GRIN2B: variants seen among roughly 807,000 people sequenced by gnomAD.
The protein encoded by GRIN2B is glutamate ionotropic receptor NMDA type subunit 2B, also known as glutamate receptor ionotropic, NMDA 2B.
In GRIN2B, 5 loss-of-function variants were observed where a neutral mutation model predicts 114.5. The observed-to-expected ratio is 0.04, with a 90% CI of 0.02 to 0.09. GRIN2B has a LOEUF of 0.09. Ranked by LOEUF, GRIN2B falls within the 10% of genes least tolerant of loss-of-function variation. The pLI is 1.00. For synonymous variants in GRIN2B, 787 were observed against 745.1 expected, an observed-to-expected ratio of 1.06 and a Z score of -0.92; for missense variants, 1,108 against 1,943.5, an observed-to-expected ratio of 0.57 and a Z score of 8.08.
Position 13,560,259 on chromosome 12 carries a change from A to G in GRIN2B, c.*2524T>C, listed in dbSNP as rs1376875513. 6.6e-6 allele frequency: 1 copy of G among 152,182 alleles called. No individual in the cohort carries two copies. Among genetic ancestry groups the G allele is most frequent in the African/African-American group, 2.4e-5 (1 of 41,464 alleles). 9.4% of individuals were successfully genotyped at this position (152,182 alleles called of 1,614,324 possible). A position where few individuals can be genotyped will look rare whatever the true frequency, so the allele number is the denominator to read the frequency against. ...ACACCCTGAAGCAAAAAAGCCATAC[A>G]AAACAATTCCCCCAATGGGAAATGA... is the stretch of plus-strand genomic sequence containing the variant. On this transcript the variant is annotated 3_prime_UTR_variant, in exon 14 of 14. Transcript: ENST00000609686.
intron 3 of GRIN2B, among the ~76,000 whole-genome samples, chr12:13,802,232 A>T (rs1864528996): frequency 6.6e-6 from 1 of 152,156 alleles, no homozygotes. Context: ...CAAAATTAAA[A>T]TCAAGTGGCT....
At chr12:13,761,871 TTAAG>T (rs1565528136) in intron 3 of GRIN2B, among the ~76,000 whole-genome samples, 1 of 151,702 alleles carries the variant, frequency 6.6e-6, no homozygotes, top group Admixed American at 6.5e-5. Context: ...TAAGTGTTAA[TTAAG>T]TAGTAGCGTT....
At chr12:13,928,532 T>C (rs1866959643) in intron 2 of GRIN2B, among the ~76,000 whole-genome samples, 1 of 152,144 alleles carries the variant, frequency 6.6e-6, no homozygotes, top group Admixed American at 6.5e-5. Context: ...ACTCATAATA[T>C]ATAAAAACAG....
At chr12:13,935,567 T>A (rs937451782) in intron 2 of GRIN2B, among the ~76,000 whole-genome samples, 1 of 152,252 alleles carries the variant, frequency 6.6e-6, no homozygotes, top group Admixed American at 6.5e-5. Flanking sequence ...TTGGATTTCC[T>A]GCCATGAGTT....
chr12:13,768,172 T>C (rs2136643102), intron 3 of GRIN2B, among the ~76,000 whole-genome samples: 1 of 152,240 alleles, frequency 6.6e-6, no homozygotes, highest in East Asian at 1.9e-4. Context: ...TCATGCCCAA[T>C]TTTCCTTTTA....
At chr12:13,750,724 G>A (rs1174156254) in intron 4 of GRIN2B, among the ~76,000 whole-genome samples, 2 of 152,182 alleles carry the variant, frequency 1.3e-5, no homozygotes, top group Non-Finnish European at 1.5e-5. Context: ...AGAACGGGAA[G>A]GCTCCTGCAG....
intron 5 of GRIN2B, among the ~76,000 whole-genome samples, chr12:13,675,267 T>C (rs972796322): frequency 2.6e-5 from 4 of 152,122 alleles, no homozygotes; most frequent in South Asian, 2.1e-4. Context: ...TAATTTCTGA[T>C]GGTAGAATTT....
Position 13,563,418 on chromosome 12 carries a change from A to G in GRIN2B, c.3820T>C (p.Ser1274Pro). The G allele has an allele frequency of 6.2e-7, 1 of 1,613,998 alleles. No homozygotes were observed. The highest frequency in any genetic ancestry group is 8.5e-7 in the Non-Finnish European group (1 of 1,179,988). Reference protein sequence around the residue: ...DQPAAPVAVTSNASTTKYPQS... With the variant: ...DQPAAPVAVTPNASTTKYPQS... ...GGGTACTTAGTGGTGGAGGCGTTTG[A>G]CGTCACCGCCACTGGGGCAGCCGGC... The change falls in exon 14 of 14, where the codon TCA becomes CCA. Residue 1274 changes from serine to proline, a missense_variant. Ser to Pro is a moderately conservative substitution (Grantham distance 74). This residue lies in a region of GRIN2B where 478 missense variants were observed against 506.0 expected (regional missense o/e 0.94). Coordinates refer to ENST00000609686, the MANE Select transcript of GRIN2B (RefSeq NM_000834.5).
chr12:13,960,743 G>A (rs576698605), intron 2 of GRIN2B, among the ~76,000 whole-genome samples: 30 of 152,324 alleles, frequency 2.0e-4, no homozygotes, highest in African/African-American at 7.0e-4. Context: ...GGGAAGACAG[G>A]AAGTATTGTG....
chr12:13,924,696 C>CA (rs766249782), intron 2 of GRIN2B, among the ~76,000 whole-genome samples: 25 of 151,908 alleles, frequency 1.6e-4, no homozygotes, highest in East Asian at 9.7e-4. Flanking sequence ...TCTAGAAGAG[C>CA]AAAAAGAGGA....
chr12:13,827,480 T>C (rs939740707), intron 3 of GRIN2B, among the ~76,000 whole-genome samples: 8 of 152,200 alleles, frequency 5.3e-5, no homozygotes, highest in Admixed American at 4.6e-4. Context: ...TTACTCTCTG[T>C]GCTTCATTTT....
intron 4 of GRIN2B, among the ~76,000 whole-genome samples, chr12:13,695,822 G>A (rs187033086): frequency 1.3e-5 from 2 of 152,268 alleles, no homozygotes; most frequent in Non-Finnish European, 1.5e-5. Context: ...GGCTCATAGT[G>A]TAGATAAGGG....
rs770292604 is a variant in GRIN2B at position 13,792,957 on chromosome 12, G to A, written c.412-39042C>T. Among the ~76,000 whole-genome samples, 130 of 152,330 alleles carry A rather than the reference G, an allele frequency of 8.5e-4. 1 individual carries two copies. Among genetic ancestry groups the A allele is most frequent in the Admixed American group, 1.6e-3 (24 of 15,308 alleles). ...TGTGGTCTTAAATGAGTAGGAAGAA[G>A]CAAGAATCAATGAGATCTGGACTCT... On this transcript the variant is annotated intron_variant, in intron 3 of 13. Coordinates refer to ENST00000609686, the MANE Select transcript of GRIN2B (RefSeq NM_000834.5).
At chr12:13,773,096 T>C (rs895153322) in intron 3 of GRIN2B, among the ~76,000 whole-genome samples, 1 of 152,160 alleles carries the variant, frequency 6.6e-6, no homozygotes, top group African/African-American at 2.4e-5. Flanking sequence ...CAGTTAGAAC[T>C]GCAAAAGTGA....
chr12:13,670,642 T>A lies in GRIN2B; in HGVS notation c.1125+5103A>T, dbSNP rs537288830. ...GTGCCAGACTATTTTTAAAGCAAGT[T>A]TATGCAGCTGTCCCCCACTTAGGAG... On this transcript the variant is annotated intron_variant, in intron 5 of 13. Coordinates refer to ENST00000609686, the MANE Select transcript of GRIN2B (RefSeq NM_000834.5). 1.8e-4 allele frequency among the ~76,000 whole-genome samples: 28 copies of A among 152,256 alleles called. No homozygotes were observed. The East Asian group carries it at 3.3e-3, about 18-fold the overall frequency.
chr12:13,774,571 G>T (rs1863967493), intron 3 of GRIN2B, among the ~76,000 whole-genome samples: 2 of 152,192 alleles, frequency 1.3e-5, no homozygotes, highest in African/African-American at 4.8e-5. Context: ...TACTAATCTT[G>T]CAAAATCAAG....
At chr12:13,965,582 T>TACACAC (rs1867777642) in intron 2 of GRIN2B, among the ~76,000 whole-genome samples, 3 of 109,404 alleles carry the variant, frequency 2.7e-5, no homozygotes, top group Admixed American at 9.6e-5. Flanking sequence ...CACACACACG[T>TACACAC]GTGTGTGATT....
intron 3 of GRIN2B, among the ~76,000 whole-genome samples, chr12:13,829,736 C>G (rs1357137744): frequency 6.6e-6 from 1 of 152,156 alleles, no homozygotes; most frequent in African/African-American, 2.4e-5. Flanking sequence ...TTCAGAAAAC[C>G]TTTCTTTTCC....
At chr12:13,866,350 T>C in intron 2 of GRIN2B, 124 bp from the exon 3 acceptor site, 3 of 782,144 alleles carry the variant, frequency 3.8e-6, no homozygotes, top group Non-Finnish European at 6.5e-6. Flanking sequence ...CCCAACTCCA[T>C]CTACCAGCCT....
Sources: allele counts gnomAD v4.1 joint callset (sites outside exome capture counted in the v4.1 genomes callset), GRCh38; gene constraint gnomAD v4.1.1; regional missense constraint gnomAD v4.1.1; transcripts MANE v1.5; gene names NCBI Gene and HGNC (gene_info 2026-07-23, HGNC 2026-07-21).